Variants in EPM2A observed in about 807,000 individuals in gnomAD.
EPM2A encodes laforin.
EPM2A carries 21 observed loss-of-function variants against 26.5 expected under a neutral mutation model. The observed-to-expected ratio is 0.79, with a 90% CI of 0.56 to 1.14. EPM2A has a LOEUF of 1.14. EPM2A is among the 50% of genes most tolerant of loss of function. The pLI, the probability that EPM2A is intolerant of heterozygous loss-of-function variation, is 0.00. For missense variants in EPM2A, 458 were observed against 440.8 expected (o/e 1.04, Z -0.35); for synonymous variants, 217 against 177.6 (o/e 1.22, Z -1.76).
rs80091589 is a variant in EPM2A, at chr6:145,428,735, G to A, written c.556-44638C>T. Among the ~76,000 whole-genome samples, 1,443 of 152,344 alleles carry A rather than the reference G, an allele frequency of 9.5e-3. 14 individuals carry two copies. Among genetic ancestry groups the A allele is most frequent in the Non-Finnish European group, 0.014 (983 of 68,016 alleles). ...GTCGTTTTGTAAACATGGTGAGGTA[G>A]AAAAGATACTGCAGAAGACCTTAAC... On this transcript the variant is annotated intron_variant, in intron 4 of 4. Coordinates refer to the EPM2A transcript ENST00000638717.
intron 4 of EPM2A, among the ~76,000 whole-genome samples, chr6:145,438,916 G>T (rs1562334905): frequency 1.3e-5 from 2 of 151,996 alleles, no homozygotes; most frequent in East Asian, 1.9e-4. Flanking sequence ...GTACCCAATA[G>T]TTTTTTTCTT....
chr6:145,709,217 G>A (rs1354265440), intron 1 of EPM2A, among the ~76,000 whole-genome samples: 1 of 152,198 alleles, frequency 6.6e-6, no homozygotes, highest in Non-Finnish European at 1.5e-5. Context: ...TTGGGGGACT[G>A]TTGGGAAGGC....
At chr6:145,692,887 T>G (rs1781363072) in intron 1 of EPM2A, among the ~76,000 whole-genome samples, 1 of 152,160 alleles carries the variant, frequency 6.6e-6, no homozygotes, top group Non-Finnish European at 1.5e-5. Context: ...AGGATTGCTT[T>G]GGCTATTCGA....
intron 2 of EPM2A, among the ~76,000 whole-genome samples, chr6:145,506,016 G>A (rs1779967609): frequency 1.3e-5 from 2 of 152,288 alleles, no homozygotes; most frequent in Middle Eastern, 6.8e-3. Context: ...CACACTAGGA[G>A]CTGTCTAGCT....
At chr6:145,435,453 A>G (rs1725879721) in intron 4 of EPM2A, among the ~76,000 whole-genome samples, 1 of 149,964 alleles carries the variant, frequency 6.7e-6, no homozygotes, top group Non-Finnish European at 1.5e-5. Flanking sequence ...AGTATTTAAC[A>G]ATTATTTTCA....
At chr6:145,521,477 C>T (rs1363572420) in intron 2 of EPM2A, among the ~76,000 whole-genome samples, 3 of 152,106 alleles carry the variant, frequency 2.0e-5, no homozygotes, top group Non-Finnish European at 4.4e-5. Flanking sequence ...CTTTTCTAGC[C>T]ACAATCATTT....
intron 4 of EPM2A, among the ~76,000 whole-genome samples, chr6:145,399,334 T>C (rs12215687): frequency 0.11 from 16,718 of 152,204 alleles, 963 homozygotes; most frequent in South Asian, 0.17. Context: ...GGCACACCAC[T>C]GCCTCAACAG....
chr6:145,440,741 C>G (rs929072664), intron 4 of EPM2A, among the ~76,000 whole-genome samples: 1 of 152,208 alleles, frequency 6.6e-6, no homozygotes, highest in African/African-American at 2.4e-5. Context: ...CTTAAAGCTC[C>G]AAAATGATCT....
At chr6:145,580,436 T>A (rs1418979788) in intron 2 of EPM2A, among the ~76,000 whole-genome samples, 2 of 152,178 alleles carry the variant, frequency 1.3e-5, no homozygotes, top group Admixed American at 6.5e-5. Context: ...ACTGCTACAT[T>A]TAAGAATGGC....
intron 2 of EPM2A, among the ~76,000 whole-genome samples, chr6:145,676,531 C>A (rs1050093154): frequency 5.9e-5 from 9 of 151,518 alleles, no homozygotes; most frequent in Admixed American, 1.3e-4. Flanking sequence ...AGGCTGCTAG[C>A]AAGACAAATA....
At chr6:145,413,528 C>T (rs145549780) in intron 4 of EPM2A, among the ~76,000 whole-genome samples, 5 of 152,104 alleles carry the variant, frequency 3.3e-5, no homozygotes, top group South Asian at 4.2e-4. Context: ...TTTTCCAGCC[C>T]GTGGTTGAAT....
At chr6:145,428,075 GTTTTTT>G (rs11343322) in intron 4 of EPM2A, among the ~76,000 whole-genome samples, 2 of 97,530 alleles carry the variant, frequency 2.1e-5, no homozygotes, top group Admixed American at 1.0e-4. Flanking sequence ...TGTGTTGATA[GTTTTTT>G]TTTTTTTTTT....
At chr6:145,660,161 A>T (rs903361994) in intron 2 of EPM2A, among the ~76,000 whole-genome samples, 2 of 152,160 alleles carry the variant, frequency 1.3e-5, no homozygotes, top group African/African-American at 4.8e-5. Context: ...TGAAGAAGAG[A>T]CTAGGCCTTG....
intron 2 of EPM2A, among the ~76,000 whole-genome samples, chr6:145,560,746 A>G (rs1003168264): frequency 6.6e-6 from 1 of 152,176 alleles, no homozygotes; most frequent in Non-Finnish European, 1.5e-5. Flanking sequence ...TGCTTAATGA[A>G]TAAAGGGATG....
chr6:145,434,359 G>A (rs1778962052), intron 4 of EPM2A, among the ~76,000 whole-genome samples: 1 of 151,294 alleles, frequency 6.6e-6, no homozygotes, highest in African/African-American at 2.4e-5. Flanking sequence ...AACCTCCTGG[G>A]CTCAGGTGAT....
chr6:145,431,921 A>C (rs549968204), intron 4 of EPM2A, among the ~76,000 whole-genome samples: 1 of 152,348 alleles, frequency 6.6e-6, no homozygotes, highest in African/African-American at 2.4e-5. Flanking sequence ...AATATTCTAA[A>C]TTCTTTGTTG....
At chr6:145,515,319 C>G (rs1286560042) in intron 2 of EPM2A, among the ~76,000 whole-genome samples, 1 of 152,186 alleles carries the variant, frequency 6.6e-6, no homozygotes, top group Non-Finnish European at 1.5e-5. Context: ...TGAAATCTTA[C>G]TTGGTCTGTG....
intron 2 of EPM2A, among the ~76,000 whole-genome samples, chr6:145,531,003 C>A (rs1780347402): frequency 6.6e-6 from 1 of 152,162 alleles, no homozygotes; most frequent in Non-Finnish European, 1.5e-5. Context: ...GCTAATTGCT[C>A]ATTTCTTTCT....
At chr6:145,394,771 A>G (rs535774901) in intron 4 of EPM2A, among the ~76,000 whole-genome samples, 2 of 152,206 alleles carry the variant, frequency 1.3e-5, no homozygotes, top group Admixed American at 6.5e-5. Context: ...CTGTCAATCC[A>G]GAAAGTCAAT....
Sources: gnomAD v4.1 joint callset for allele counts (sites outside exome capture counted in the v4.1 genomes callset) on GRCh38, gnomAD v4.1.1 for gene constraint, MANE v1.5 for transcripts, NCBI Gene and HGNC (gene_info 2026-07-23, HGNC 2026-07-21) for gene names.